PACRG: variants seen among roughly 807,000 people sequenced by gnomAD.
PACRG encodes parkin coregulated, also known as parkin coregulated gene protein.
PACRG carries 29 observed loss-of-function variants against 29.7 expected under a neutral mutation model. The ratio of observed to expected loss-of-function variants is 0.98; its 90% CI spans 0.73 to 1.33. PACRG has a LOEUF of 1.33. Among genes scored for constraint, PACRG ranks in the 40% most tolerant of loss-of-function variants. The pLI is 0.00. For synonymous variants in PACRG, 116 were observed against 118.7 expected (o/e 0.98, Z 0.15); for missense variants, 279 against 316.2 (o/e 0.88, Z 0.89).
At chr6:163,010,890 G>C (rs909458762) in intron 2 of PACRG, among the ~76,000 whole-genome samples, 5 of 152,220 alleles carry the variant, frequency 3.3e-5, no homozygotes, top group African/African-American at 1.2e-4. Flanking sequence ...GGCCCCTCCA[G>C]AGTTACTCAG....
intron 4 of PACRG, among the ~76,000 whole-genome samples, chr6:163,131,239 C>T (rs1480658390): frequency 1.4e-5 from 2 of 147,612 alleles, no homozygotes; most frequent in African/African-American, 5.1e-5. Context: ...ACCCGGGAGG[C>T]GTAGCTTGCA....
intron 3 of PACRG, among the ~76,000 whole-genome samples, chr6:163,063,421 C>A (rs904991742): frequency 6.6e-6 from 1 of 152,096 alleles, no homozygotes; most frequent in East Asian, 1.9e-4. Flanking sequence ...GGTTGGGGAA[C>A]CCCACCCTCA....
intron 1 of PACRG, among the ~76,000 whole-genome samples, chr6:162,755,928 G>A (rs1471532140): frequency 6.6e-6 from 1 of 151,522 alleles, no homozygotes; most frequent in Non-Finnish European, 1.5e-5. Context: ...GGAGCATATT[G>A]TTTAATTTCT....
chr6:163,087,284 A>C (rs1256913562), intron 3 of PACRG, among the ~76,000 whole-genome samples: 1 of 151,594 alleles, frequency 6.6e-6, no homozygotes, highest in Non-Finnish European at 1.5e-5. Context: ...GCTGGAGACC[A>C]GGACCAGAGG....
chr6:163,021,870 G>A (rs569976705), intron 2 of PACRG, among the ~76,000 whole-genome samples: 4 of 152,274 alleles, frequency 2.6e-5, no homozygotes, highest in East Asian at 3.9e-4. Context: ...CTGTTATTCC[G>A]AGTTAAGCAT....
At chr6:163,038,335 G>A (rs1489406842) in intron 2 of PACRG, among the ~76,000 whole-genome samples, 1 of 152,182 alleles carries the variant, frequency 6.6e-6, no homozygotes, top group Non-Finnish European at 1.5e-5. Context: ...GGTGTATTTG[G>A]AACTGAAGAT....
chr6:162,924,422 C>T (rs999353522), intron 2 of PACRG, among the ~76,000 whole-genome samples: 4 of 151,992 alleles, frequency 2.6e-5, no homozygotes, highest in African/African-American at 9.7e-5. Flanking sequence ...TTCCAGTACT[C>T]TATTGAATAG....
At chr6:162,817,351 C>G (rs1030501790) in intron 2 of PACRG, among the ~76,000 whole-genome samples, 1 of 152,252 alleles carries the variant, frequency 6.6e-6, no homozygotes, top group Admixed American at 6.5e-5. Flanking sequence ...GAGTTAGAGA[C>G]AGACAGATGT....
At chr6:163,071,410 A>T (rs748308974) in intron 3 of PACRG, among the ~76,000 whole-genome samples, 1 of 152,098 alleles carries the variant, frequency 6.6e-6, no homozygotes, top group Non-Finnish European at 1.5e-5. Context: ...ATACAAATGC[A>T]TGGAATTAAA....
chr6:163,083,314 A>G (rs541347468), intron 3 of PACRG, among the ~76,000 whole-genome samples: 1 of 152,266 alleles, frequency 6.6e-6, no homozygotes, highest in East Asian at 1.9e-4. Flanking sequence ...ACTCAAAAGA[A>G]TGTTAACTGT....
chr6:162,792,968 G>A (rs74441907), intron 1 of PACRG, among the ~76,000 whole-genome samples: 1 of 152,160 alleles, frequency 6.6e-6, no homozygotes, highest in African/African-American at 2.4e-5. Context: ...TGAGGTATTG[G>A]TTGGCCATGA....
chr6:163,195,828 C>T (rs1780428234), intron 4 of PACRG, among the ~76,000 whole-genome samples: 1 of 152,326 alleles, frequency 6.6e-6, no homozygotes, highest in South Asian at 2.1e-4. Context: ...CTGGCTTCCT[C>T]CTGCGCCCCT....
At chr6:162,839,172 A>T (rs1789525527) in intron 2 of PACRG, among the ~76,000 whole-genome samples, 1 of 116,338 alleles carries the variant, frequency 8.6e-6, no homozygotes, top group Non-Finnish European at 1.7e-5. Flanking sequence ...CGCCACACTG[A>T]CTTCCACAAT....
intron 4 of PACRG, among the ~76,000 whole-genome samples, chr6:163,229,588 C>T (rs1240014585): frequency 1.3e-5 from 2 of 152,204 alleles, no homozygotes; most frequent in East Asian, 3.9e-4. Flanking sequence ...ACAAATGTGG[C>T]ATTCGTAGTC....
At chr6:162,827,903 A>G (rs1788422231) in intron 2 of PACRG, among the ~76,000 whole-genome samples, 1 of 151,984 alleles carries the variant, frequency 6.6e-6, no homozygotes, top group Non-Finnish European at 1.5e-5. Context: ...TCTTGGGGAA[A>G]CCAGCATATG....
chr6:163,032,125 T>C (rs1562849216), intron 2 of PACRG, among the ~76,000 whole-genome samples: 1 of 152,212 alleles, frequency 6.6e-6, no homozygotes, highest in Non-Finnish European at 1.5e-5. Context: ...ACAAATATGC[T>C]CCAGATTTTG....
chr6:163,056,230 C>T (rs1810580055), intron 2 of PACRG, among the ~76,000 whole-genome samples: 1 of 152,162 alleles, frequency 6.6e-6, no homozygotes, highest in Non-Finnish European at 1.5e-5. Flanking sequence ...AGCATTTGCA[C>T]TCCTAGGTAT....
At chr6:163,113,213 A>G (rs1815806440) in intron 4 of PACRG, among the ~76,000 whole-genome samples, 2 of 152,200 alleles carry the variant, frequency 1.3e-5, no homozygotes, top group South Asian at 4.1e-4. Flanking sequence ...AGAAAGAAAA[A>G]GCATTTCTCT....
intron 2 of PACRG, among the ~76,000 whole-genome samples, chr6:162,973,746 T>G (rs560014759): frequency 1.3e-5 from 2 of 150,816 alleles, no homozygotes; most frequent in African/African-American, 2.5e-5. Flanking sequence ...CATAAAACCT[T>G]AAGAGTAGTG....
Sources: gnomAD v4.1 joint callset for allele counts (sites outside exome capture counted in the v4.1 genomes callset) on GRCh38, gnomAD v4.1.1 for gene constraint, MANE v1.5 for transcripts, NCBI Gene and HGNC (gene_info 2026-07-23, HGNC 2026-07-21) for gene names.